TENM3: variants seen among roughly 807,000 people sequenced by gnomAD.
The protein encoded by TENM3 is teneurin-3.
TENM3 carries 63 observed loss-of-function variants against 255.1 expected under a neutral mutation model. The observed-to-expected ratio is 0.25, with a 90% CI of 0.20 to 0.30. The LOEUF is 0.30. Among genes scored for constraint, TENM3 ranks in the 10% least tolerant of loss-of-function variants. The probability of loss-of-function intolerance (pLI) is 1.00; values close to 1 mark genes in which losing one functional copy is unlikely to be tolerated. For synonymous variants in TENM3, 1,306 were observed against 1,322.3 expected (o/e 0.99, Z 0.27); for missense variants, 2,929 against 3,461.1 (o/e 0.85, Z 3.86).
intron 3 of TENM3, among the ~76,000 whole-genome samples, chr4:182,445,800 T>A (rs1772868280): frequency 6.6e-6 from 1 of 152,194 alleles, no homozygotes; most frequent in African/African-American, 2.4e-5. Context: ...AGCCACATAA[T>A]TCAATATATT....
intron 1 of TENM3, among the ~76,000 whole-genome samples, chr4:182,286,901 C>A (rs916659183): frequency 6.6e-6 from 1 of 152,084 alleles, no homozygotes; most frequent in Non-Finnish European, 1.5e-5. Flanking sequence ...ACAGTCCAGA[C>A]GGAAACTCTT....
At chr4:182,008,979 G>A in the TENM3 span, among the ~76,000 whole-genome samples, 3 of 152,022 alleles carry the variant, frequency 2.0e-5, no homozygotes, top group African/African-American at 7.2e-5. Context: ...TCTTTCAATA[G>A]TCAGGTCCCT....
At chr4:181,455,398 C>T in the TENM3 span, among the ~76,000 whole-genome samples, 1 of 151,976 alleles carries the variant, frequency 6.6e-6, no homozygotes, top group African/African-American at 2.4e-5. Context: ...AGAGGTCTTA[C>T]CAGCAAAATC....
At chr4:182,597,951 T>C (rs557036120) in intron 3 of TENM3, among the ~76,000 whole-genome samples, 2 of 152,174 alleles carry the variant, frequency 1.3e-5, no homozygotes, top group East Asian at 1.9e-4. Context: ...AGGCCAAGGC[T>C]GGAGGCTCAC....
the TENM3 span, among the ~76,000 whole-genome samples, chr4:181,797,090 T>C: frequency 6.6e-6 from 1 of 151,952 alleles, no homozygotes; most frequent in Non-Finnish European, 1.5e-5. Context: ...TATCTCAAAA[T>C]ATGCTCCCTC....
intron 13 of TENM3, among the ~76,000 whole-genome samples, chr4:182,718,087 TCTC>T (rs1375670464): frequency 6.6e-6 from 1 of 151,882 alleles, no homozygotes; most frequent in Non-Finnish European, 1.5e-5. Flanking sequence ...AGGAAAACCT[TCTC>T]CTTTTTGAAG....
At chr4:181,459,378 AT>A in the TENM3 span, among the ~76,000 whole-genome samples, 3 of 151,806 alleles carry the variant, frequency 2.0e-5, no homozygotes, top group Non-Finnish European at 1.5e-5. Flanking sequence ...GACTTCATCA[AT>A]TTTTTTATGA....
At chr4:182,216,523 G>A (rs1259570239) in intron 1 of TENM3, among the ~76,000 whole-genome samples, 2 of 152,138 alleles carry the variant, frequency 1.3e-5, no homozygotes, top group East Asian at 1.9e-4. Flanking sequence ...TCATTTACCT[G>A]TCAGTTTCGT....
chr4:181,639,327 C>T, the TENM3 span, among the ~76,000 whole-genome samples: 1 of 152,170 alleles, frequency 6.6e-6, no homozygotes, highest in African/African-American at 2.4e-5. Context: ...CATCAAGCCC[C>T]CTGAACCCTA....
chr4:181,605,589 GAAA>G, the TENM3 span, among the ~76,000 whole-genome samples: 1 of 35,740 alleles, frequency 2.8e-5, no homozygotes, highest in Non-Finnish European at 6.0e-5. Context: ...AGAAAGGAAA[GAAA>G]GAAAGAAAGA....
In TENM3 at chr4:182,793,512, T is replaced by C. The variant is rs1367047748; in HGVS notation, c.6840T>C (p.His2280=). 22 of 1,613,992 alleles carry C rather than the reference T, an allele frequency of 1.4e-5. No individual in the cohort carries two copies. In the East Asian group the frequency reaches 4.9e-4, roughly 36 times the overall value. Residue 2280 remains histidine (H), a synonymous_variant, in exon 26 of 28, where the codon CAT becomes CAC. Transcript: ENST00000511685. This position sits in a 1 kb window ranked among gnomAD's most constrained non-coding sequence, Gnocchi z 5.7. ...CCCTGTATTATGATCTCCAAGGACA[T>C]CTTTTTGCCATGGAAATCAGCAGTG... ...ITSLYYDLQG[H]LFAMEISSGD...
At chr4:181,546,848 T>A in the TENM3 span, among the ~76,000 whole-genome samples, 1 of 151,978 alleles carries the variant, frequency 6.6e-6, no homozygotes, top group African/African-American at 2.4e-5. Context: ...CTTCTTTTTT[T>A]GTTTTTTTGT....
intron 3 of TENM3, among the ~76,000 whole-genome samples, chr4:182,410,487 C>T (rs968651804): frequency 6.6e-6 from 1 of 152,190 alleles, no homozygotes; most frequent in Non-Finnish European, 1.5e-5. Context: ...TGCAGGGCCT[C>T]GCTAAGGAGT....
rs191988248 is a variant in TENM3, at chr4:182,582,188, T to C, written c.512-18736T>C. Among the ~76,000 whole-genome samples the C allele has an allele frequency of 2.3e-3, 356 of 152,328 alleles. 3 individuals carry two copies. The highest frequency in any genetic ancestry group is 1.5e-3 in the Non-Finnish European group (103 of 68,022). ...CTCCAGCTCAAAGTAAAGCAAGCAT[T>C]CTTCCATTTAAAATTGAATTTCTAC... is the stretch of plus-strand genomic sequence containing the variant. On this transcript the variant is annotated intron_variant, in intron 3 of 27. Transcript: ENST00000511685.
intron 2 of TENM3, among the ~76,000 whole-genome samples, chr4:182,332,464 G>A (rs1336741507): frequency 2.0e-5 from 3 of 152,010 alleles, no homozygotes; most frequent in South Asian, 2.1e-4. Context: ...AGGCCGAGGC[G>A]GGCAGATCAG....
At chr4:182,511,280 A>G (rs962170495) in intron 3 of TENM3, among the ~76,000 whole-genome samples, 4 of 152,208 alleles carry the variant, frequency 2.6e-5, no homozygotes, top group African/African-American at 9.6e-5. Flanking sequence ...AAATTAATAA[A>G]AATAAACGTG....
the TENM3 span, among the ~76,000 whole-genome samples, chr4:182,098,699 G>A: frequency 1.9e-4 from 29 of 152,250 alleles, no homozygotes; most frequent in Non-Finnish European, 2.6e-4. Context: ...AGATAAGAAG[G>A]GGGTGGTTAA....
At chr4:182,046,028 G>C in the TENM3 span, among the ~76,000 whole-genome samples, 1 of 152,130 alleles carries the variant, frequency 6.6e-6, no homozygotes, top group South Asian at 2.1e-4. Context: ...GAGGAGCAAA[G>C]CAAGATGACC....
chr4:181,552,169 A>C, the TENM3 span, among the ~76,000 whole-genome samples: 4 of 152,148 alleles, frequency 2.6e-5, no homozygotes, highest in African/African-American at 9.7e-5. Context: ...TATGGGAGAA[A>C]ATAAGATAAG....
Sources: allele counts gnomAD v4.1 joint callset (sites outside exome capture counted in the v4.1 genomes callset), GRCh38; gene constraint gnomAD v4.1.1; non-coding constraint Gnocchi (gnomAD v3.1); transcripts MANE v1.5; gene names NCBI Gene and HGNC (gene_info 2026-07-23, HGNC 2026-07-21).